Variants in EXOC6B observed in about 807,000 individuals in gnomAD.
EXOC6B encodes SEC15 homolog B.
Under a neutral mutation model 113.5 loss-of-function variants are expected in EXOC6B, and 54 were observed. The observed-to-expected ratio is 0.48, with a 90% confidence interval of 0.38 to 0.60. EXOC6B has a LOEUF of 0.60. Ranked by LOEUF, EXOC6B falls within the 20% of genes least tolerant of loss-of-function variation. The pLI is 0.00. For synonymous variants in EXOC6B, 357 were observed against 339.0 expected (o/e 1.05, Z -0.58); for missense variants, 797 against 977.5 (o/e 0.82, Z 2.46).
At chr2:72,618,087 G>A (rs1002972395) in intron 6 of EXOC6B, among the ~76,000 whole-genome samples, 4 of 151,928 alleles carry the variant, frequency 2.6e-5, no homozygotes, top group Non-Finnish European at 4.4e-5. Context: ...AAATCCCTTC[G>A]GCCAGGTCCA....
intron 5 of EXOC6B, among the ~76,000 whole-genome samples, chr2:72,727,846 T>C (rs552579001): frequency 5.6e-4 from 86 of 152,236 alleles, no homozygotes; most frequent in Non-Finnish European, 1.1e-3. Flanking sequence ...AGGTAAGCCA[T>C]GCATTGGAAG....
chr2:72,721,850 A>G (rs1680026998), intron 5 of EXOC6B: 1 of 152,114 alleles, frequency 6.6e-6, no homozygotes, highest in Admixed American at 6.5e-5. Context: ...AATATCTGAT[A>G]TATCTTATCA....
intron 7 of EXOC6B, among the ~76,000 whole-genome samples, chr2:72,570,405 C>T (rs964582762): frequency 6.6e-6 from 1 of 152,184 alleles, no homozygotes; most frequent in Non-Finnish European, 1.5e-5. Context: ...AAAATTACTA[C>T]AGCACAACAA....
intron 6 of EXOC6B, among the ~76,000 whole-genome samples, chr2:72,633,767 T>C (rs1408107679): frequency 6.6e-6 from 1 of 152,192 alleles, no homozygotes; most frequent in Non-Finnish European, 1.5e-5. Flanking sequence ...TATAAGCTGA[T>C]AAATAAAACA....
chr2:72,183,589 G>A (rs892625597), intron 21 of EXOC6B, among the ~76,000 whole-genome samples: 1 of 152,112 alleles, frequency 6.6e-6, no homozygotes, highest in Non-Finnish European at 1.5e-5. Context: ...GGCAGGGGGT[G>A]GGAGCTGGGA....
At chr2:72,247,985 G>C (rs767236828) in intron 20 of EXOC6B, among the ~76,000 whole-genome samples, 6 of 152,116 alleles carry the variant, frequency 3.9e-5, no homozygotes, top group Admixed American at 6.6e-5. Context: ...CCCTGAGGAG[G>C]CTTTCACCAA....
chr2:72,417,574 A>G (rs1166170734), intron 18 of EXOC6B, among the ~76,000 whole-genome samples: 1 of 152,238 alleles, frequency 6.6e-6, no homozygotes, highest in Admixed American at 6.5e-5. Context: ...GTTATATAAA[A>G]TAAATATTTT....
At chr2:72,312,587 A>G (rs1160039093) in intron 20 of EXOC6B, among the ~76,000 whole-genome samples, 1 of 151,906 alleles carries the variant, frequency 6.6e-6, no homozygotes, top group Non-Finnish European at 1.5e-5. Flanking sequence ...GATATAAGAA[A>G]TCAAAGTGAA....
rs1553464035 is a variant in EXOC6B, at chr2:72,671,783, G to GAAAGAA, written c.669+46314_669+46319dup. Reference sequence around the variant, plus strand: ...AGAAAGAAAGAAAGAAAGAAAGAAAGAAAGAAAGAAAGAAAGAAAGAAAGA... The same window carrying GAAAGAA: ...AGAAAGAAAGAAAGAAAGAAAGAAAGAAAGAAAAAGAAAGAAAGAAAGAAAGAAAGA... On this transcript the variant is annotated intron_variant, in intron 6 of 21. Coordinates refer to ENST00000272427, the MANE Select transcript of EXOC6B (RefSeq NM_015189.3). 2.0e-3 allele frequency among the ~76,000 whole-genome samples: 211 copies of GAAAGAA among 106,170 alleles called. 1 individual carries two copies. Among genetic ancestry groups the GAAAGAA allele is most frequent in the African/African-American group, 9.1e-3 (197 of 21,672 alleles). The allele number at this position is 106,170 out of a possible 152,430, so 69.7% of individuals were successfully genotyped here.
At chr2:72,501,951 T>C (rs1463337844) in intron 11 of EXOC6B, among the ~76,000 whole-genome samples, 1 of 151,546 alleles carries the variant, frequency 6.6e-6, no homozygotes, top group Non-Finnish European at 1.5e-5. Context: ...TTTGTAGAGA[T>C]GGGGTTTCAT....
intron 20 of EXOC6B, among the ~76,000 whole-genome samples, chr2:72,244,619 T>C (rs566347432): frequency 1.2e-4 from 18 of 152,130 alleles, no homozygotes; most frequent in Middle Eastern, 6.8e-3. Flanking sequence ...CCTGGTTCTT[T>C]AAAAATTTCA....
chr2:72,262,195 ACCT>A (rs1683771305), intron 20 of EXOC6B, among the ~76,000 whole-genome samples: 1 of 152,116 alleles, frequency 6.6e-6, no homozygotes, highest in Non-Finnish European at 1.5e-5. Context: ...AACTTCCTTC[ACCT>A]AGGCCAGCTT....
At chr2:72,201,170 C>T (rs576968251) in intron 20 of EXOC6B, among the ~76,000 whole-genome samples, 1 of 151,972 alleles carries the variant, frequency 6.6e-6, no homozygotes, top group East Asian at 1.9e-4. Flanking sequence ...TTTTTTCATT[C>T]AATCTTATGT....
intron 6 of EXOC6B, among the ~76,000 whole-genome samples, chr2:72,626,316 T>G (rs1231358147): frequency 6.6e-6 from 1 of 152,132 alleles, no homozygotes; most frequent in Admixed American, 6.5e-5. Context: ...TAATTGTATT[T>G]GGAGTTCATC....
chr2:72,265,916 T>C (rs1477564488), intron 20 of EXOC6B, among the ~76,000 whole-genome samples: 1 of 152,206 alleles, frequency 6.6e-6, no homozygotes, highest in African/African-American at 2.4e-5. Flanking sequence ...CCAGCACCTG[T>C]TGTTTCCTGA....
At chr2:72,182,881 A>G in intron 21 of EXOC6B, 1 of 1,230,780 alleles carries the variant, frequency 8.1e-7, no homozygotes, top group Non-Finnish European at 1.0e-6. Flanking sequence ...GCCCAAGTGA[A>G]TAATATACTT....
At chr2:72,228,762 A>G (rs1387747131) in intron 20 of EXOC6B, among the ~76,000 whole-genome samples, 3 of 152,116 alleles carry the variant, frequency 2.0e-5, no homozygotes, top group Non-Finnish European at 2.9e-5. Flanking sequence ...ATGATTTATA[A>G]TCCTTTGGGT....
chr2:72,770,481 T>C (rs1184797909), intron 1 of EXOC6B, among the ~76,000 whole-genome samples: 1 of 152,210 alleles, frequency 6.6e-6, no homozygotes, highest in East Asian at 1.9e-4. Context: ...AAGCATTCCA[T>C]AATCAAACAC....
At chr2:72,265,243 TTA>T (rs1683990966) in intron 20 of EXOC6B, among the ~76,000 whole-genome samples, 1 of 113,768 alleles carries the variant, frequency 8.8e-6, no homozygotes, top group Non-Finnish European at 2.1e-5. Context: ...TATTCTTTTA[TTA>T]TTATTATTAT....
Sources: allele counts gnomAD v4.1 joint callset (sites outside exome capture counted in the v4.1 genomes callset), GRCh38; gene constraint gnomAD v4.1.1; transcripts MANE v1.5; gene names NCBI Gene and HGNC (gene_info 2026-07-23, HGNC 2026-07-21).